The following TRAPPC9 variants were observed in gnomAD, a reference collection of about 807,000 sequenced individuals.
TRAPPC9 encodes the protein trafficking protein particle complex subunit 9.
Under a neutral mutation model 124.0 loss-of-function variants are expected in TRAPPC9, and 83 were observed. The observed-to-expected ratio is 0.67, with a 90% CI of 0.56 to 0.80. TRAPPC9 has a LOEUF of 0.80. TRAPPC9 is among the 30% of genes least tolerant of loss of function. The probability of loss-of-function intolerance (pLI) is 0.00; values close to 1 mark genes in which losing one functional copy is unlikely to be tolerated. For missense variants in TRAPPC9, 1,302 were observed against 1,508.3 expected (o/e 0.86, Z 2.27); for synonymous variants, 638 against 617.5 (o/e 1.03, Z -0.49).
chr8:139,732,812 C>T (rs1315230012), intron 21 of TRAPPC9, among the ~76,000 whole-genome samples: 2 of 152,210 alleles, frequency 1.3e-5, no homozygotes, highest in Non-Finnish European at 2.9e-5. Flanking sequence ...AACAGGTGCT[C>T]AGGGAAGTGG....
At chr8:140,026,069 T>C (rs1321316463) in intron 17 of TRAPPC9, among the ~76,000 whole-genome samples, 1 of 152,230 alleles carries the variant, frequency 6.6e-6, no homozygotes, top group East Asian at 1.9e-4. Flanking sequence ...AATTTGACAC[T>C]CTAGGCACCT....
rs139341765 is a variant in TRAPPC9, at chr8:140,437,710, C to T, written c.730+1342G>A. On this transcript the variant is annotated intron_variant, in intron 3 of 22. Transcript: ENST00000438773. ...CAGAACTCACCTCATTACTTCATTC[C>T]GACTTGTATTATCATAAGTGGCTGA... Among the ~76,000 whole-genome samples, 644 of 152,302 alleles carry T rather than the reference C, an allele frequency of 4.2e-3. 8 individuals are homozygous for T. Among genetic ancestry groups the T allele is most frequent in the African/African-American group, 0.015 (617 of 41,564 alleles).
intron 9 of TRAPPC9, among the ~76,000 whole-genome samples, chr8:140,326,237 A>G (rs554281145): frequency 8.1e-4 from 123 of 151,556 alleles, no homozygotes; most frequent in Admixed American, 1.4e-3. Context: ...AAAAAAAAAA[A>G]AAGAAGAAGA....
At chr8:140,159,687 A>T (rs1172424187) in intron 17 of TRAPPC9, among the ~76,000 whole-genome samples, 2 of 152,224 alleles carry the variant, frequency 1.3e-5, no homozygotes, top group African/African-American at 4.8e-5. Context: ...AGAGGAGCAA[A>T]AAAAACCCAA....
intron 9 of TRAPPC9, among the ~76,000 whole-genome samples, chr8:140,321,473 C>T (rs2066594889): frequency 6.6e-6 from 1 of 152,212 alleles, no homozygotes; most frequent in Non-Finnish European, 1.5e-5. Context: ...GATGCATAAG[C>T]TGTAAAAGGG....
rs1041394961 is a variant in TRAPPC9, at chr8:139,742,750, G to A, written c.3056-10548C>T. On this transcript the variant is annotated intron_variant, in intron 21 of 22. Coordinates refer to ENST00000438773, the MANE Select transcript of TRAPPC9 (RefSeq NM_001160372.4). The surrounding 1 kb of genome is among the most constrained non-coding windows in gnomAD (Gnocchi z 4.7). ...GCTTTCAACTCTGATCTGCAGGCTG[G>A]GTGGGGGTAGGCAGCTGGCAGACAC... is the stretch of plus-strand genomic sequence containing the variant. 6.6e-6 allele frequency among the ~76,000 whole-genome samples: 1 copy of A among 152,210 alleles called. No homozygotes were observed. Among genetic ancestry groups the A allele is most frequent in the African/African-American group, 2.4e-5 (1 of 41,454 alleles).
chr8:139,838,022 G>A (rs141472044), intron 21 of TRAPPC9, among the ~76,000 whole-genome samples: 60 of 152,190 alleles, frequency 3.9e-4, no homozygotes, highest in African/African-American at 1.4e-3. Flanking sequence ...AGCCTTCGAC[G>A]CCCCTGCTTC....
chr8:139,910,381 G>T, intron 19 of TRAPPC9, 81 bp from the exon 20 acceptor site: 1 of 1,330,390 alleles, frequency 7.5e-7, no homozygotes, highest in Non-Finnish European at 1.1e-6. Flanking sequence ...GCACATGCCA[G>T]CGTGAGACAC....
intron 9 of TRAPPC9, among the ~76,000 whole-genome samples, chr8:140,332,598 C>T (rs1011009100): frequency 1.2e-4 from 18 of 151,906 alleles, no homozygotes; most frequent in Admixed American, 8.5e-4. Context: ...TATACAATTA[C>T]TGTATCAATT....
chr8:139,940,713 G>A (rs1442214058), intron 19 of TRAPPC9, among the ~76,000 whole-genome samples: 1 of 151,970 alleles, frequency 6.6e-6, no homozygotes, highest in Non-Finnish European at 1.5e-5. Context: ...CAGCCAGAGA[G>A]GAGCCACAGG....
At position 140,123,439 on chromosome 8, in the gene TRAPPC9, C is replaced by T. The variant is rs145088570; in HGVS notation, c.2556+98020G>A. Among the ~76,000 whole-genome samples, 474 of 152,292 alleles carry T rather than the reference C, an allele frequency of 3.1e-3. 2 individuals are homozygous for T. The highest frequency in any genetic ancestry group is 0.011 in the African/African-American group (457 of 41,548). Reference sequence around the variant, plus strand: ...CCTGCACGTGCATGGCCTTGCAGAACCCAGACTTGCCAGCTCTGGACTGGT... The same window carrying T: ...CCTGCACGTGCATGGCCTTGCAGAATCCAGACTTGCCAGCTCTGGACTGGT... On this transcript the variant is annotated intron_variant, in intron 17 of 22. Coordinates refer to ENST00000438773, the MANE Select transcript of TRAPPC9 (RefSeq NM_001160372.4).
intron 17 of TRAPPC9, among the ~76,000 whole-genome samples, chr8:140,129,671 C>A (rs2061168880): frequency 6.7e-6 from 1 of 148,604 alleles, no homozygotes; most frequent in South Asian, 2.1e-4. Flanking sequence ...CAGCTTTCTC[C>A]CCGAGAGAAA....
chr8:139,745,056 G>T lies in TRAPPC9; in HGVS notation c.3056-12854C>A, dbSNP rs1818799266. ...GGAGAAGGACTTCCCTTCCAGGTAG[G>T]CCTCCTGATTACACCCTGCATGGCC... On this transcript the variant is annotated intron_variant, in intron 21 of 22. Coordinates refer to ENST00000438773, the MANE Select transcript of TRAPPC9 (RefSeq NM_001160372.4). Among the ~76,000 whole-genome samples the T allele has an allele frequency of 2.6e-5, 4 of 152,166 alleles. No individual in the cohort carries two copies. In the South Asian group the frequency reaches 8.3e-4, roughly 32 times the overall value.
chr8:140,034,743 C>G (rs1349719865), intron 17 of TRAPPC9, among the ~76,000 whole-genome samples: 1 of 152,254 alleles, frequency 6.6e-6, no homozygotes, highest in African/African-American at 2.4e-5. Context: ...CAATGCAGCA[C>G]AGGTATCACT....
At chr8:139,755,020 T>C (rs2130258992) in intron 21 of TRAPPC9, among the ~76,000 whole-genome samples, 1 of 152,358 alleles carries the variant, frequency 6.6e-6, no homozygotes, top group East Asian at 1.9e-4. Flanking sequence ...CCATCGGTCT[T>C]GGCTGCCTGG....
rs73726715 is a variant in TRAPPC9 at position 139,729,445 on chromosome 8, G to T, written c.*1616C>A. Among the ~76,000 whole-genome samples the T allele has an allele frequency of 8.6e-3, 1,303 of 152,304 alleles. 15 individuals are homozygous for T. Among genetic ancestry groups the T allele is most frequent in the African/African-American group, 0.029 (1,214 of 41,566 alleles). ...GAAGGGCTGAAGAGACCGCCCTGGG[G>T]TCTCCACCCCCTACTGCAGCCAGAC... On this transcript the variant is annotated 3_prime_UTR_variant, in exon 23 of 23. Coordinates refer to ENST00000438773, the MANE Select transcript of TRAPPC9 (RefSeq NM_001160372.4).
chr8:140,208,455 G>C (rs1020586371), intron 17 of TRAPPC9, among the ~76,000 whole-genome samples: 3 of 152,216 alleles, frequency 2.0e-5, no homozygotes, highest in African/African-American at 7.2e-5. Context: ...CAAACTCCCA[G>C]GCCCTCTGCA....
intron 9 of TRAPPC9, among the ~76,000 whole-genome samples, chr8:140,345,995 G>A (rs2067338489): frequency 6.6e-6 from 1 of 152,200 alleles, no homozygotes; most frequent in Non-Finnish European, 1.5e-5. Context: ...ACAGCCCTGG[G>A]GTTGGGGCAG....
chr8:140,155,949 T>C, intron 17 of TRAPPC9, among the ~76,000 whole-genome samples: 1 of 152,186 alleles, frequency 6.6e-6, no homozygotes, highest in East Asian at 1.9e-4. Flanking sequence ...ATACACTTGC[T>C]TATGGCCCAC....
Sources: gnomAD v4.1 joint callset for allele counts (sites outside exome capture counted in the v4.1 genomes callset) on GRCh38, gnomAD v4.1.1 for gene constraint, Gnocchi (gnomAD v3.1) non-coding constraint, MANE v1.5 for transcripts, NCBI Gene and HGNC (gene_info 2026-07-23, HGNC 2026-07-21) for gene names.